The following MPPED1 variants were observed in gnomAD, a reference collection of about 807,000 sequenced individuals.
MPPED1 encodes metallophosphoesterase domain-containing protein 1.
Under a neutral mutation model 36.2 loss-of-function variants are expected in MPPED1, and 16 were observed. The observed-to-expected ratio is 0.44, with a 90% CI of 0.30 to 0.67. The LOEUF (loss-of-function observed/expected upper bound fraction) is 0.67, where lower values mean the gene tolerates loss of function less well. Ranked by LOEUF, MPPED1 falls within the 30% of genes least tolerant of loss-of-function variation. The pLI is 0.10. For missense variants in MPPED1, 307 were observed against 453.4 expected, an observed-to-expected ratio of 0.68 and a Z score of 2.93; for synonymous variants, 199 against 191.3, an observed-to-expected ratio of 1.04 and a Z score of -0.33.
At chr22:43,498,464 C>T (rs1932503037) in intron 5 of MPPED1, 114 bp downstream of exon 5, 2 of 731,948 alleles carry the variant, frequency 2.7e-6, no homozygotes, top group Non-Finnish European at 4.3e-6. Flanking sequence ...TTCTGAGTCC[C>T]ACTTGCTGGG....
At chr22:43,417,596 C>T (rs1929120402) in intron 1 of MPPED1, 2 of 153,660 alleles carry the variant, frequency 1.3e-5, no homozygotes, top group African/African-American at 4.8e-5. Context: ...AACAATTCTC[C>T]CCAGACCCCC....
intron 3 of MPPED1, among the ~76,000 whole-genome samples, chr22:43,460,082 C>A (rs946660755): frequency 6.6e-6 from 1 of 152,062 alleles, no homozygotes; most frequent in African/African-American, 2.4e-5. Context: ...TGGCATGTGC[C>A]TGTAGTCCCA....
At chr22:43,475,521 GTGGTGGTGGTGGTGGTGGTGAT>G (rs1931524629) in intron 4 of MPPED1, among the ~76,000 whole-genome samples, 6 of 1,172 alleles carry the variant, frequency 5.1e-3, no homozygotes, top group African/African-American at 7.4e-3. Flanking sequence ...GATGATGGTT[GTGGTGGTGGTGGTGGTGGTGAT>G]GTGATGGTGA....
chr22:43,458,611 A>G (rs1930838578), intron 3 of MPPED1, among the ~76,000 whole-genome samples: 1 of 152,110 alleles, frequency 6.6e-6, no homozygotes, highest in African/African-American at 2.4e-5. Flanking sequence ...TTACCTGTGT[A>G]GCTACCTTTA....
intron 5 of MPPED1, among the ~76,000 whole-genome samples, chr22:43,500,290 G>GGTGGTGGTGAT (rs1932665214): frequency 2.2e-4 from 2 of 9,042 alleles, no homozygotes; most frequent in Non-Finnish European, 4.2e-4. Flanking sequence ...GTGGTGATGG[G>GGTGGTGGTGAT]GGTGGTGGTG....
At chr22:43,428,580 C>A (rs1601950121) in intron 2 of MPPED1, among the ~76,000 whole-genome samples, 1 of 152,156 alleles carries the variant, frequency 6.6e-6, no homozygotes, top group Non-Finnish European at 1.5e-5. Flanking sequence ...TTTGTTGCCA[C>A]CCTGGGCTTT....
intron 3 of MPPED1, among the ~76,000 whole-genome samples, chr22:43,441,475 TCAGAGCCCAGCC>T (rs1930146672): frequency 6.6e-6 from 1 of 152,154 alleles, no homozygotes; most frequent in South Asian, 2.1e-4. Flanking sequence ...GCACGGGTCC[TCAGAGCCCAGCC>T]CAGCCTGGTG....
At chr22:43,454,945 C>T (rs545269119) in intron 3 of MPPED1, among the ~76,000 whole-genome samples, 5 of 152,270 alleles carry the variant, frequency 3.3e-5, no homozygotes, top group African/African-American at 1.2e-4. Flanking sequence ...GTACCAGAGA[C>T]TGGGAGGCTC....
At position 43,507,725 on chromosome 22, in the gene MPPED1, G is replaced by A. The variant is rs955933171; in HGVS notation, c.*2109G>A. 5.9e-5 allele frequency: 9 copies of A among 151,846 alleles called. No individual in the cohort carries two copies. The highest frequency in any genetic ancestry group is 1.2e-4 in the African/African-American group (5 of 41,360). The allele number at this position is 151,846 out of a possible 1,614,324, so 9.4% of individuals were successfully genotyped here. ...TACTTTAAGAGAAAATTCATTAAAA[G>A]TCCTCGAGGTATGAAGATGACGGCG... On this transcript the variant is annotated 3_prime_UTR_variant, in exon 7 of 7. Transcript: ENST00000443721.
chr22:43,465,317 C>G (rs1401584033), intron 3 of MPPED1, among the ~76,000 whole-genome samples: 1 of 152,248 alleles, frequency 6.6e-6, no homozygotes, highest in Non-Finnish European at 1.5e-5. Flanking sequence ...TCATCTCATC[C>G]TAACAGTGTT....
intron 2 of MPPED1, among the ~76,000 whole-genome samples, chr22:43,431,134 C>A (rs62234090): frequency 4.3e-5 from 6 of 138,234 alleles, no homozygotes; most frequent in African/African-American, 1.6e-4. Flanking sequence ...TTCCGCCTCC[C>A]GGGTTCAAGC....
intron 4 of MPPED1, among the ~76,000 whole-genome samples, chr22:43,496,009 G>C (rs1932321785): frequency 8.8e-6 from 1 of 113,364 alleles, no homozygotes; most frequent in Admixed American, 9.1e-5. Context: ...TGGAGATGGT[G>C]GTGGTGGAGG....
At chr22:43,412,573 G>A (rs953078416) in intron 1 of MPPED1, among the ~76,000 whole-genome samples, 19 of 152,164 alleles carry the variant, frequency 1.2e-4, no homozygotes, top group Admixed American at 6.5e-5. Context: ...CACTTGGGGG[G>A]GAAGAGATAG....
chr22:43,412,322 A>G (rs992228945), intron 1 of MPPED1, among the ~76,000 whole-genome samples, 164 bp downstream of exon 1: 1 of 149,660 alleles, frequency 6.7e-6, no homozygotes, highest in Admixed American at 6.6e-5. Context: ...CGGGCTGGGC[A>G]CCCCAGCTGC....
In MPPED1 at chr22:43,441,855, A is replaced by G. The variant is rs373879717; in HGVS notation, c.406+6640A>G. On this transcript the variant is annotated intron_variant, in intron 3 of 6. Coordinates refer to ENST00000443721, the MANE Select transcript of MPPED1 (RefSeq NM_001044370.2). ...CACTGCATGGAAGGTCTGAGGCTGC[A>G]GGGGGTTTGCCTGGAAATGGGCCAC... 3.3e-3 allele frequency among the ~76,000 whole-genome samples: 506 copies of G among 152,304 alleles called. 5 individuals are homozygous for G. The highest frequency in any genetic ancestry group is 0.011 in the African/African-American group (472 of 41,554).
At chr22:43,476,827 G>A (rs1931591976) in intron 4 of MPPED1, among the ~76,000 whole-genome samples, 1 of 152,142 alleles carries the variant, frequency 6.6e-6, no homozygotes, top group African/African-American at 2.4e-5. Context: ...AAGGAGAGGA[G>A]GGGAGGTGGC....
intron 4 of MPPED1, among the ~76,000 whole-genome samples, chr22:43,486,851 G>A (rs1024127751): frequency 1.3e-5 from 2 of 152,092 alleles, no homozygotes; most frequent in African/African-American, 4.8e-5. Context: ...AAATGGACAC[G>A]TAAGTCTCCG....
At position 43,449,998 on chromosome 22, in the gene MPPED1, C is replaced by T. The variant is rs112375148; in HGVS notation, c.406+14783C>T. Among the ~76,000 whole-genome samples, 35 of 152,180 alleles carry T rather than the reference C, an allele frequency of 2.3e-4. 1 individual carries two copies. The highest frequency in any genetic ancestry group is 6.7e-4 in the African/African-American group (28 of 41,532). ...AGAATGGGCGGGCCCAGCCGGGTGG[C>T]GGTGGTTTGTAGAGCCAGGGACACC... On this transcript the variant is annotated intron_variant, in intron 3 of 6. Coordinates refer to ENST00000443721, the MANE Select transcript of MPPED1 (RefSeq NM_001044370.2).
At chr22:43,463,514 C>T (rs955123026) in intron 3 of MPPED1, among the ~76,000 whole-genome samples, 8 of 151,954 alleles carry the variant, frequency 5.3e-5, no homozygotes, top group Non-Finnish European at 1.5e-5. Context: ...TAAATCTTTT[C>T]TCACCTGTTA....
Sources: gnomAD v4.1 joint callset for allele counts (sites outside exome capture counted in the v4.1 genomes callset) on GRCh38, gnomAD v4.1.1 for gene constraint, MANE v1.5 for transcripts, NCBI Gene and HGNC (gene_info 2026-07-23, HGNC 2026-07-21) for gene names.